The following ZNF827 variants were observed in gnomAD, a reference collection of about 807,000 sequenced individuals.
The protein encoded by ZNF827 is zinc finger protein 827.
Under a neutral mutation model 102.4 loss-of-function variants are expected in ZNF827, and 13 were observed. The ratio of observed to expected loss-of-function variants is 0.13; its 90% CI spans 0.08 to 0.20. ZNF827 has a LOEUF of 0.20. Among genes scored for constraint, ZNF827 ranks in the 10% least tolerant of loss-of-function variants. ZNF827 has a pLI of 1.00. For missense variants in ZNF827, 1,103 were observed against 1,344.4 expected, an observed-to-expected ratio of 0.82 and a Z score of 2.81; for synonymous variants, 523 against 536.2, an observed-to-expected ratio of 0.98 and a Z score of 0.34.
At chr4:145,864,841 G>C (rs942428522) in intron 5 of ZNF827, among the ~76,000 whole-genome samples, 1 of 152,080 alleles carries the variant, frequency 6.6e-6, no homozygotes, top group Non-Finnish European at 1.5e-5. Flanking sequence ...CACCTAACTA[G>C]ATAACTTCCA....
At chr4:145,809,897 A>T (rs934546950) in intron 8 of ZNF827, among the ~76,000 whole-genome samples, 1 of 152,206 alleles carries the variant, frequency 6.6e-6, no homozygotes, top group Non-Finnish European at 1.5e-5. Flanking sequence ...TCTGAGTGAT[A>T]ACTCCAGTCC....
chr4:145,925,563 C>T (rs1210370822), intron 1 of ZNF827, among the ~76,000 whole-genome samples: 1 of 152,178 alleles, frequency 6.6e-6, no homozygotes, highest in Non-Finnish European at 1.5e-5. Flanking sequence ...CAGGTAAATG[C>T]TCAAAAGTTT....
intron 1 of ZNF827, among the ~76,000 whole-genome samples, chr4:145,934,718 C>G (rs570006252): frequency 6.6e-6 from 1 of 152,138 alleles, no homozygotes; most frequent in Non-Finnish European, 1.5e-5. Flanking sequence ...CTTTGTAGAT[C>G]CAGACTGTGT....
chr4:145,870,505 T>C, intron 4 of ZNF827, 27 bp from the exon 5 acceptor site: 1 of 1,605,032 alleles, frequency 6.2e-7, no homozygotes, highest in Non-Finnish European at 8.5e-7. Flanking sequence ...AGGGATTATA[T>C]ATACATAAAA....
At chr4:145,931,181 T>C (rs991459260) in intron 1 of ZNF827, among the ~76,000 whole-genome samples, 1 of 152,196 alleles carries the variant, frequency 6.6e-6, no homozygotes, top group African/African-American at 2.4e-5. Flanking sequence ...TCTTAGCTAT[T>C]TCTAAGGTCT....
chr4:145,765,733 C>A lies in ZNF827; in HGVS notation c.2866G>T (p.Asp956Tyr), dbSNP rs753038278. 1 of 1,612,932 alleles carries A rather than the reference C, an allele frequency of 6.2e-7. No individual in the cohort carries two copies. Among genetic ancestry groups the A allele is most frequent in the Admixed American group, 1.7e-5 (1 of 59,836 alleles). The change falls in exon 12 of 15, where the codon GAC becomes TAC. Residue 956 changes from aspartate to tyrosine, a missense_variant. Around this residue, in one of 5 missense-constraint regions of ZNF827, gnomAD observed 242 missense variants for 361.9 expected, o/e 0.67. Transcript: ENST00000508784. This position sits in a 1 kb window ranked among gnomAD's most constrained non-coding sequence, Gnocchi z 4.7. ...TTTGATTCGCTGGGGGTCTTCCTGT[C>A]TTCCCCTGAAAAATAAGCAAATAAC... ...THIGTKHTGE[D>Y]RKTPSESNSP...
At chr4:145,801,499 ATC>A (rs888596402) in intron 8 of ZNF827, among the ~76,000 whole-genome samples, 2 of 152,120 alleles carry the variant, frequency 1.3e-5, no homozygotes, top group African/African-American at 4.8e-5. Context: ...AATCCTCAAA[ATC>A]TCTTTCTTTT....
chr4:145,910,954 G>A (rs564665450), intron 1 of ZNF827, among the ~76,000 whole-genome samples: 46 of 152,132 alleles, frequency 3.0e-4, no homozygotes, highest in Non-Finnish European at 6.0e-4. Context: ...CTGCATCCTC[G>A]GCATTTAGGT....
intron 11 of ZNF827, among the ~76,000 whole-genome samples, chr4:145,769,840 G>A (rs1047328935): frequency 1.3e-5 from 2 of 152,072 alleles, no homozygotes; most frequent in Non-Finnish European, 2.9e-5. Context: ...CCTAAATATT[G>A]CACAATTTTA....
chr4:145,823,624 G>A, intron 7 of ZNF827, 99 bp from the exon 8 acceptor site: 1 of 783,392 alleles, frequency 1.3e-6, no homozygotes, highest in East Asian at 2.5e-5. Context: ...TATTAGATAA[G>A]GTGTTGCTGT....
At chr4:145,936,652 G>A (rs1392884374) in intron 1 of ZNF827, among the ~76,000 whole-genome samples, 2 of 152,126 alleles carry the variant, frequency 1.3e-5, no homozygotes, top group East Asian at 1.9e-4. Flanking sequence ...CGGTCCCCTG[G>A]GCAGGCACCG....
intron 7 of ZNF827, among the ~76,000 whole-genome samples, chr4:145,837,410 A>G (rs1221677270): frequency 6.6e-6 from 1 of 152,078 alleles, no homozygotes; most frequent in East Asian, 1.9e-4. Flanking sequence ...TCCTGTATAG[A>G]CGCTCCTTTT....
chr4:145,781,195 CAAAAAAAAAAAAAAA>C (rs10605153), intron 8 of ZNF827, among the ~76,000 whole-genome samples: 1 of 56,546 alleles, frequency 1.8e-5, no homozygotes, highest in Non-Finnish European at 2.8e-5. Flanking sequence ...GACACCATCT[CAAAAAAAAAAAAAAA>C]AAAAAAAGAA....
chr4:145,835,169 G>T (rs1238969967), intron 7 of ZNF827: 1 of 152,212 alleles, frequency 6.6e-6, no homozygotes, highest in Admixed American at 6.5e-5. Context: ...CTAGCCCAAG[G>T]CTCTCTGACT....
intron 1 of ZNF827, among the ~76,000 whole-genome samples, chr4:145,910,754 TCCTTGTGA>T (rs1043535217): frequency 2.6e-5 from 4 of 152,164 alleles, no homozygotes; most frequent in Non-Finnish European, 5.9e-5. Context: ...CCTAATCATC[TCCTTGTGA>T]CCTCCTCTCC....
intron 1 of ZNF827, among the ~76,000 whole-genome samples, chr4:145,932,720 C>T (rs1477888431): frequency 2.0e-5 from 3 of 152,152 alleles, no homozygotes; most frequent in Non-Finnish European, 4.4e-5. Flanking sequence ...GTGATCCACC[C>T]GCCTCGGCCT....
chr4:145,773,055 G>A (rs1736528237), intron 11 of ZNF827, among the ~76,000 whole-genome samples: 1 of 152,116 alleles, frequency 6.6e-6, no homozygotes, highest in Non-Finnish European at 1.5e-5. Flanking sequence ...GTTTTCAACT[G>A]GGTTCAGGTA....
In ZNF827 at chr4:145,898,223, GA is replaced by G. The variant is rs1269456039; in HGVS notation, c.1093+3942del. Among the ~76,000 whole-genome samples, 10 of 152,274 alleles carry G rather than the reference GA, an allele frequency of 6.6e-5. No individual in the cohort carries two copies. In the Middle Eastern group the frequency reaches 0.014, roughly 207 times the overall value. ...TCAGGAGAGGTGATCTCCCTCTCCG[GA>G]CTTTGTATGCTTTTGCAATAATTTT... On this transcript the variant is annotated intron_variant, in intron 2 of 14. Coordinates refer to ENST00000508784, the MANE Select transcript of ZNF827 (RefSeq NM_001306215.2).
intron 5 of ZNF827, among the ~76,000 whole-genome samples, chr4:145,868,499 C>T (rs1748406832): frequency 6.6e-6 from 1 of 152,192 alleles, no homozygotes; most frequent in South Asian, 2.1e-4. Flanking sequence ...ATGTGCTCAA[C>T]CAAAGGCAAC....
Sources: gnomAD v4.1 joint callset for allele counts (sites outside exome capture counted in the v4.1 genomes callset) on GRCh38, gnomAD v4.1.1 for gene constraint, gnomAD v4.1.1 regional missense constraint, Gnocchi (gnomAD v3.1) non-coding constraint, MANE v1.5 for transcripts, NCBI Gene and HGNC (gene_info 2026-07-23, HGNC 2026-07-21) for gene names.